The following CRIM1 variants were observed in gnomAD, a reference collection of about 807,000 sequenced individuals.
CRIM1 encodes cysteine rich transmembrane BMP regulator 1, also known as cysteine-rich motor neuron 1 protein.
In CRIM1, 32 loss-of-function variants were observed where a neutral mutation model predicts 116.4. The observed-to-expected ratio is 0.27, with a 90% CI of 0.21 to 0.37. The LOEUF (loss-of-function observed/expected upper bound fraction) is 0.37, where lower values mean the gene tolerates loss of function less well. CRIM1 is among the 10% of genes least tolerant of loss of function. CRIM1 has a pLI of 1.00. For synonymous variants in CRIM1, 590 were observed against 509.2 expected (o/e 1.16, Z -2.13); for missense variants, 1,331 against 1,354.8 (o/e 0.98, Z 0.28).
At position 36,548,084 on chromosome 2, in the gene CRIM1, C is replaced by T. The variant is rs183773107; in HGVS notation, c.2935-441C>T. On this transcript the variant is annotated intron_variant, in intron 16 of 16. Coordinates refer to ENST00000280527, the MANE Select transcript of CRIM1 (RefSeq NM_016441.3). ...AGTGTCCAAAGCTGGGAAACAGACC[C>T]GCTCATAAAGTGTATGGAGTGACTA... 1.4e-4 allele frequency among the ~76,000 whole-genome samples: 21 copies of T among 152,054 alleles called. No individual in the cohort carries two copies. In the East Asian group the frequency reaches 3.3e-3, roughly 24 times the overall value.
intron 2 of CRIM1, among the ~76,000 whole-genome samples, chr2:36,421,590 G>C (rs1674071270): frequency 6.6e-6 from 1 of 152,186 alleles, no homozygotes; most frequent in Admixed American, 6.5e-5. Context: ...GGAATTACCA[G>C]CTGGCGAAAA....
intron 7 of CRIM1, among the ~76,000 whole-genome samples, chr2:36,485,319 G>T (rs1245277819): frequency 6.6e-6 from 1 of 152,186 alleles, no homozygotes; most frequent in Non-Finnish European, 1.5e-5. Context: ...TGTCAGGCAC[G>T]TCTTGACCTA....
At chr2:36,418,678 G>C (rs1044962505) in intron 2 of CRIM1, among the ~76,000 whole-genome samples, 7 of 152,216 alleles carry the variant, frequency 4.6e-5, no homozygotes, top group African/African-American at 1.4e-4. Flanking sequence ...ATCAGCTTCA[G>C]AAACAAGGTA....
chr2:36,476,101 G>C (rs1678954398), intron 5 of CRIM1, among the ~76,000 whole-genome samples: 1 of 151,878 alleles, frequency 6.6e-6, no homozygotes, highest in Non-Finnish European at 1.5e-5. Flanking sequence ...TAGGGAGAGT[G>C]TTTCAAGGCA....
At chr2:36,409,669 A>T (rs1673066778) in intron 2 of CRIM1, among the ~76,000 whole-genome samples, 1 of 152,226 alleles carries the variant, frequency 6.6e-6, no homozygotes, top group Non-Finnish European at 1.5e-5. Flanking sequence ...ACATTGATAA[A>T]CAAGAATCAA....
intron 1 of CRIM1, among the ~76,000 whole-genome samples, chr2:36,373,776 G>T (rs2148313320): frequency 6.6e-6 from 1 of 151,276 alleles, no homozygotes; most frequent in Middle Eastern, 3.5e-3. Context: ...ATGTGTGCAT[G>T]TGCATCCATG....
chr2:36,422,781 C>T (rs145648109), intron 2 of CRIM1, among the ~76,000 whole-genome samples: 21 of 152,288 alleles, frequency 1.4e-4, no homozygotes, highest in Non-Finnish European at 1.8e-4. Context: ...TTTAATACTT[C>T]GGAAATGGTT....
intron 11 of CRIM1, 133 bp from the exon 12 acceptor site, chr2:36,517,194 C>T (rs1213625041): frequency 1.0e-5 from 7 of 673,038 alleles, no homozygotes; most frequent in Non-Finnish European, 1.5e-5. Flanking sequence ...CTTCACTATT[C>T]TCTTAATAAG....
intron 2 of CRIM1, among the ~76,000 whole-genome samples, chr2:36,417,738 G>A (rs755559405): frequency 1.1e-4 from 16 of 152,202 alleles, no homozygotes; most frequent in Non-Finnish European, 2.2e-4. Context: ...CCGAACTCAA[G>A]AGGCTTCCAG....
Position 36,547,184 on chromosome 2 carries a change from A to C in CRIM1, c.2934+13A>C. 3.8e-6 allele frequency: 6 copies of C among 1,599,912 alleles called. No individual in the cohort carries two copies. Among genetic ancestry groups the C allele is most frequent in the Non-Finnish European group, 5.1e-6 (6 of 1,171,118 alleles). On this transcript the variant is annotated intron_variant, in intron 16 of 16. Transcript: ENST00000280527. Reference sequence around the variant, plus strand: ...AACACCAACTAAGGTACTGTCTTGCAAAAGTTAGTCTCTTGAATGATGAAT... The same window carrying C: ...AACACCAACTAAGGTACTGTCTTGCCAAAGTTAGTCTCTTGAATGATGAAT...
intron 1 of CRIM1, among the ~76,000 whole-genome samples, chr2:36,388,197 C>T (rs1378891903): frequency 1.3e-5 from 2 of 152,080 alleles, no homozygotes; most frequent in African/African-American, 4.8e-5. Context: ...AGTTCATAGC[C>T]AATCCTGTTT....
chr2:36,477,084 G>A lies in CRIM1; in HGVS notation c.1174+13G>A. 2 of 1,591,462 alleles carry A rather than the reference G, an allele frequency of 1.3e-6. No homozygotes were observed. The highest frequency in any genetic ancestry group is 8.6e-7 in the Non-Finnish European group (1 of 1,167,870). ...CCAGTGTGTGAAGGTAAGAAAAGGT[G>A]CTAATTACAGATTAACAGGAGCATA... On this transcript the variant is annotated intron_variant, in intron 6 of 16. Coordinates refer to ENST00000280527, the MANE Select transcript of CRIM1 (RefSeq NM_016441.3).
At chr2:36,510,851 C>G (rs1289925529) in intron 9 of CRIM1, among the ~76,000 whole-genome samples, 2 of 151,564 alleles carry the variant, frequency 1.3e-5, no homozygotes, top group Non-Finnish European at 2.9e-5. Flanking sequence ...TATATTTTTC[C>G]CTTTGCTGTC....
intron 1 of CRIM1, among the ~76,000 whole-genome samples, chr2:36,391,049 A>G (rs573088187): frequency 2.7e-5 from 4 of 149,580 alleles, no homozygotes; most frequent in African/African-American, 7.4e-5. Context: ...GGGTGAAGTC[A>G]TCTGCCTTTC....
chr2:36,432,857 G>C (rs1485416252), intron 2 of CRIM1, among the ~76,000 whole-genome samples: 2 of 152,052 alleles, frequency 1.3e-5, no homozygotes, highest in East Asian at 1.9e-4. Context: ...AATTGGTCTG[G>C]GGTGCACTCT....
intron 1 of CRIM1, among the ~76,000 whole-genome samples, chr2:36,365,327 TC>T (rs534643666): frequency 3.9e-5 from 6 of 152,270 alleles, no homozygotes; most frequent in Non-Finnish European, 8.8e-5. Context: ...GAATTAAATT[TC>T]CTTTTATTGT....
intron 4 of CRIM1, among the ~76,000 whole-genome samples, chr2:36,450,188 C>G (rs1448788154): frequency 6.6e-6 from 1 of 152,168 alleles, no homozygotes; most frequent in African/African-American, 2.4e-5. Context: ...GTCAGCCTGC[C>G]TTGGTAAATG....
intron 2 of CRIM1, among the ~76,000 whole-genome samples, chr2:36,429,440 A>G (rs1264283708): frequency 6.6e-6 from 1 of 152,134 alleles, no homozygotes; most frequent in Non-Finnish European, 1.5e-5. Context: ...TCTCAGGCCT[A>G]GATGCTGGGC....
intron 2 of CRIM1, among the ~76,000 whole-genome samples, chr2:36,439,233 G>A (rs948836196): frequency 7.2e-5 from 11 of 152,100 alleles, no homozygotes; most frequent in Admixed American, 3.9e-4. Flanking sequence ...CAACACACCC[G>A]GTACCCAGCT....
Sources: gnomAD v4.1 joint callset for allele counts (sites outside exome capture counted in the v4.1 genomes callset) on GRCh38, gnomAD v4.1.1 for gene constraint, MANE v1.5 for transcripts, NCBI Gene and HGNC (gene_info 2026-07-23, HGNC 2026-07-21) for gene names.